The following RIMS1 variants were observed in gnomAD, a reference collection of about 807,000 sequenced individuals.
RIMS1 encodes the protein regulating synaptic membrane exocytosis 1, also known as regulating synaptic membrane exocytosis protein 1.
In RIMS1, 83 loss-of-function variants were observed where a neutral mutation model predicts 214.1. The ratio of observed to expected loss-of-function variants is 0.39; its 90% CI spans 0.32 to 0.47. RIMS1 has a LOEUF of 0.47. Among genes scored for constraint, RIMS1 ranks in the 20% least tolerant of loss-of-function variants. The pLI, the probability that RIMS1 is intolerant of heterozygous loss-of-function variation, is 0.99. For synonymous variants in RIMS1, 793 were observed against 786.8 expected, an observed-to-expected ratio of 1.01 and a Z score of -0.13; for missense variants, 2,050 against 2,161.8, an observed-to-expected ratio of 0.95 and a Z score of 1.03.
intron 1 of RIMS1, among the ~76,000 whole-genome samples, chr6:71,890,245 A>T (rs1769216350): frequency 6.6e-6 from 1 of 152,188 alleles, no homozygotes. Flanking sequence ...GTACTTTATC[A>T]TAAAAAGAAT....
In RIMS1 at chr6:72,108,699, T is replaced by C. The variant is rs1225456241; in HGVS notation, c.471+8713T>C. ...AAAGTTTCAGTTTATTTTATTTTAT[T>C]TTATTTTATTATTATTATACTTTAA... On this transcript the variant is annotated intron_variant, in intron 4 of 33. Coordinates refer to ENST00000521978, the MANE Select transcript of RIMS1 (RefSeq NM_014989.7). 2.0e-5 allele frequency among the ~76,000 whole-genome samples: 3 copies of C among 151,904 alleles called. No homozygotes were observed. In the East Asian group the frequency reaches 5.8e-4, roughly 29 times the overall value.
At chr6:71,975,335 C>G (rs1172742749) in intron 2 of RIMS1, among the ~76,000 whole-genome samples, 1 of 152,158 alleles carries the variant, frequency 6.6e-6, no homozygotes, top group Non-Finnish European at 1.5e-5. Context: ...CTGAGAACTT[C>G]TGTTAGACCT....
chr6:72,216,640 T>C, intron 6 of RIMS1: 1 of 985,478 alleles, frequency 1.0e-6, no homozygotes, highest in Non-Finnish European at 1.2e-6. Flanking sequence ...TCATTTCAGG[T>C]GAGTTTTCTG....
intron 1 of RIMS1, among the ~76,000 whole-genome samples, 161 bp from the exon 2 acceptor site, chr6:71,968,822 G>T (rs1056636611): frequency 4.6e-5 from 7 of 152,206 alleles, no homozygotes; most frequent in Non-Finnish European, 7.3e-5. Flanking sequence ...TGAGTCAAAG[G>T]TTTCCAACTC....
intron 4 of RIMS1, among the ~76,000 whole-genome samples, chr6:72,120,808 C>G (rs2038122612): frequency 6.6e-6 from 1 of 151,802 alleles, no homozygotes; most frequent in East Asian, 1.9e-4. Flanking sequence ...AGTCTTTAAT[C>G]CATCTTGAAT....
chr6:72,172,100 A>C (rs1417290002), intron 4 of RIMS1, among the ~76,000 whole-genome samples: 1 of 152,158 alleles, frequency 6.6e-6, no homozygotes, highest in Non-Finnish European at 1.5e-5. Context: ...ATTGGTAAGA[A>C]ATACTATGAA....
At chr6:72,347,511 T>C (rs1265841950) in intron 29 of RIMS1, among the ~76,000 whole-genome samples, 2 of 152,038 alleles carry the variant, frequency 1.3e-5, no homozygotes, top group East Asian at 1.9e-4. Context: ...ATTTAACTTA[T>C]GGTGTAGGCC....
intron 2 of RIMS1, among the ~76,000 whole-genome samples, chr6:72,007,173 C>T (rs183545269): frequency 1.8e-4 from 28 of 152,294 alleles, no homozygotes; most frequent in South Asian, 8.3e-4. Flanking sequence ...CACTGATATT[C>T]GCTGTTCTGC....
rs2044207367 is a variant in RIMS1 at position 72,154,665 on chromosome 6, A to G, written c.472-24910A>G. ...TCTAGGAGTTCACTGAAGTTCCAGC[A>G]CATCATCAAAGCAAGAAATTTAAGA... On this transcript the variant is annotated intron_variant, in intron 4 of 33. Coordinates refer to ENST00000521978, the MANE Select transcript of RIMS1 (RefSeq NM_014989.7). 2.1e-5 allele frequency among the ~76,000 whole-genome samples: 3 copies of G among 140,742 alleles called. No individual in the cohort carries two copies. The Admixed American group carries it at 2.2e-4, about 10-fold the overall frequency. 92.3% of individuals were successfully genotyped at this position (140,742 alleles called of 152,430 possible). A position where few individuals can be genotyped will look rare whatever the true frequency, so the allele number is the denominator to read the frequency against.
At chr6:71,930,782 C>T (rs1363847620) in intron 1 of RIMS1, among the ~76,000 whole-genome samples, 1 of 152,016 alleles carries the variant, frequency 6.6e-6, no homozygotes, top group Non-Finnish European at 1.5e-5. Flanking sequence ...ATAATGTTAG[C>T]ACAACCCAAA....
At chr6:72,348,561 A>G (rs1334991028) in intron 29 of RIMS1, among the ~76,000 whole-genome samples, 1 of 151,960 alleles carries the variant, frequency 6.6e-6, no homozygotes, top group African/African-American at 2.4e-5. Context: ...GCAAGAATAA[A>G]TAATTATCAT....
chr6:71,981,113 T>G (rs1584067769), intron 2 of RIMS1, among the ~76,000 whole-genome samples: 2 of 152,122 alleles, frequency 1.3e-5, no homozygotes, highest in East Asian at 3.8e-4. Flanking sequence ...GTCTAAGTTC[T>G]GCATAAGATT....
chr6:72,331,126 C>T (rs939068680), intron 28 of RIMS1, among the ~76,000 whole-genome samples: 4 of 151,542 alleles, frequency 2.6e-5, no homozygotes, highest in Admixed American at 1.3e-4. Context: ...TTGAATCTTC[C>T]CAGTTCATCT....
chr6:72,064,351 GGGAA>G lies in RIMS1; in HGVS notation c.246-32583_246-32580del, dbSNP rs1219830831. 2.8e-3 allele frequency among the ~76,000 whole-genome samples: 419 copies of G among 151,086 alleles called. 4 individuals are homozygous for G. The highest frequency in any genetic ancestry group is 8.5e-3 in the African/African-American group (348 of 41,176). On this transcript the variant is annotated intron_variant, in intron 2 of 33. Coordinates refer to ENST00000521978, the MANE Select transcript of RIMS1 (RefSeq NM_014989.7). Reference sequence around the variant, plus strand: ...AAAGAAAGAGAGAGAGAGAGAGAGAGGGAAGGAAGGAAGGAAGGGAGGAACGAAG... The same window carrying G: ...AAAGAAAGAGAGAGAGAGAGAGAGAGGGAAGGAAGGAAGGGAGGAACGAAG...
intron 1 of RIMS1, among the ~76,000 whole-genome samples, chr6:71,956,317 T>A (rs1305669740): frequency 6.6e-6 from 1 of 152,134 alleles, no homozygotes; most frequent in Non-Finnish European, 1.5e-5. Flanking sequence ...TCTATTTTGC[T>A]TCTCTCGACA....
At chr6:72,259,780 A>G (rs1035505441) in intron 18 of RIMS1, among the ~76,000 whole-genome samples, 1 of 152,160 alleles carries the variant, frequency 6.6e-6, no homozygotes, top group Non-Finnish European at 1.5e-5. Flanking sequence ...TACCTGTACA[A>G]TTAGCCTGAT....
At chr6:72,281,015 G>A (rs2089858480) in intron 23 of RIMS1, among the ~76,000 whole-genome samples, 1 of 152,080 alleles carries the variant, frequency 6.6e-6, no homozygotes, top group Non-Finnish European at 1.5e-5. Context: ...CTGAAGCACA[G>A]AGACATTAAG....
intron 16 of RIMS1, 135 bp from the exon 17 acceptor site, chr6:72,257,990 G>A (rs1286769503): frequency 1.4e-6 from 1 of 728,588 alleles, no homozygotes; most frequent in Non-Finnish European, 2.2e-6. Context: ...TTGAAGATAA[G>A]GCTATTAATA....
At chr6:72,224,411 A>G (rs9446604) in intron 6 of RIMS1, among the ~76,000 whole-genome samples, 4,341 of 152,298 alleles carry the variant, frequency 0.029, 234 homozygotes, top group African/African-American at 0.1. Context: ...GTTATTGTGA[A>G]GTCATATATT....
Sources: gnomAD v4.1 joint callset for allele counts (sites outside exome capture counted in the v4.1 genomes callset) on GRCh38, gnomAD v4.1.1 for gene constraint, MANE v1.5 for transcripts, NCBI Gene and HGNC (gene_info 2026-07-23, HGNC 2026-07-21) for gene names.